Variants in ZNF518A observed in about 807,000 individuals in gnomAD.
The protein encoded by ZNF518A is zinc finger protein 518A, also known as zinc finger protein 518.
In ZNF518A, 47 loss-of-function variants were observed where a neutral mutation model predicts 102.7. The observed-to-expected ratio is 0.46, with a 90% CI of 0.36 to 0.58. The LOEUF (loss-of-function observed/expected upper bound fraction) is 0.58. Ranked by LOEUF, ZNF518A falls within the 20% of genes least tolerant of loss-of-function variation. ZNF518A has a pLI of 0.00. For missense variants in ZNF518A, 1,793 were observed against 1,699.8 expected, an observed-to-expected ratio of 1.05 and a Z score of -0.96; for synonymous variants, 652 against 594.6, an observed-to-expected ratio of 1.10 and a Z score of -1.40.
At chr10:96,191,546 A>C (rs2083329977) in intron 1 of ZNF518A, among the ~76,000 whole-genome samples, 2 of 152,130 alleles carry the variant, frequency 1.3e-5, no homozygotes, top group African/African-American at 4.8e-5. Context: ...TTTTCTACAA[A>C]TTAAAATTTT....
At chr10:96,173,045 A>G (rs2133884758) in intron 1 of ZNF518A, among the ~76,000 whole-genome samples, 1 of 152,294 alleles carries the variant, frequency 6.6e-6, no homozygotes, top group Admixed American at 6.5e-5. Context: ...CAGTATAACA[A>G]CTATTTAGAT....
chr10:96,168,378 A>C (rs1554890578), downstream of ZNF518A, among the ~76,000 whole-genome samples: 1 of 150,838 alleles, frequency 6.6e-6, no homozygotes, highest in Admixed American at 6.6e-5. Context: ...TTCCAAATTA[A>C]AAAAAAAATA....
intron 1 of ZNF518A, among the ~76,000 whole-genome samples, chr10:96,131,838 T>C (rs1210261127): frequency 2.0e-5 from 3 of 152,182 alleles, no homozygotes; most frequent in African/African-American, 7.2e-5. Context: ...AGTTTCTATA[T>C]TTTGAAATAT....
At chr10:96,132,709 TA>T (rs1433746082) in intron 2 of ZNF518A, 39 bp downstream of exon 2, 1 of 152,050 alleles carries the variant, frequency 6.6e-6, no homozygotes, top group African/African-American at 2.4e-5. Flanking sequence ...TATAGTCTAT[TA>T]AGTAGTAAGT....
At chr10:96,138,769 C>T (rs1207287886) in intron 3 of ZNF518A, among the ~76,000 whole-genome samples, 1 of 152,126 alleles carries the variant, frequency 6.6e-6, no homozygotes, top group African/African-American at 2.4e-5. Context: ...CTGGCAGCAT[C>T]CCACATGCTG....
At position 96,158,135 on chromosome 10, in the gene ZNF518A, G is replaced by T; in HGVS notation, c.1813G>T (p.Ala605Ser). 1 of 1,613,458 alleles carries T rather than the reference G, an allele frequency of 6.2e-7. No individual in the cohort carries two copies. Among genetic ancestry groups the T allele is most frequent in the African/African-American group, 1.3e-5 (1 of 75,012 alleles). The part of the protein sequence containing the change: ...IKSPDKVNCV[A>S]KPNAYNSGDM... Reference sequence around the variant, plus strand: ...AAGTCCAGATAAAGTCAACTGTGTTGCCAAACCAAATGCATACAACAGTGG... The same window carrying T: ...AAGTCCAGATAAAGTCAACTGTGTTTCCAAACCAAATGCATACAACAGTGG... The change falls in exon 6 of 6, where the codon GCC becomes TCC. Residue 605 changes from alanine to serine, a missense_variant. Physicochemically the swap from Ala to Ser is moderately conservative, Grantham distance 99. Around this residue, in one of 3 missense-constraint regions of ZNF518A, gnomAD observed 1,741 missense variants for 1,622.6 expected, o/e 1.07. Coordinates refer to ENST00000316045, the MANE Select transcript of ZNF518A (RefSeq NM_001330736.2).
At chr10:96,139,337 A>G (rs2081791019) in intron 3 of ZNF518A, among the ~76,000 whole-genome samples, 1 of 152,120 alleles carries the variant, frequency 6.6e-6, no homozygotes, top group Non-Finnish European at 1.5e-5. Flanking sequence ...ATTGAAACCT[A>G]TTCTCCAGTG....
chr10:96,134,116 A>G lies in ZNF518A; in HGVS notation c.-302+468A>G, dbSNP rs587626578. Among the ~76,000 whole-genome samples, 4 of 152,364 alleles carry G rather than the reference A, an allele frequency of 2.6e-5. No individual in the cohort carries two copies. The East Asian group carries it at 5.8e-4, about 22-fold the overall frequency. On this transcript the variant is annotated intron_variant, in intron 3 of 5. Coordinates refer to ENST00000316045, the MANE Select transcript of ZNF518A (RefSeq NM_001330736.2). ...AGTGCTGACATGAAGCTCAAAGGCAATCATCACTGGAACATTTTGGATTTT... is the reference window on the plus strand; with the variant it reads ...AGTGCTGACATGAAGCTCAAAGGCAGTCATCACTGGAACATTTTGGATTTT...
intron 1 of ZNF518A, chr10:96,196,810 T>G: frequency 1.6e-6 from 2 of 1,223,494 alleles, no homozygotes. Context: ...CAAGTACTTT[T>G]GTATCCTTTC....
intron 1 of ZNF518A, among the ~76,000 whole-genome samples, chr10:96,170,488 G>A (rs1432817407): frequency 5.9e-5 from 9 of 152,182 alleles, no homozygotes; most frequent in African/African-American, 2.2e-4. Flanking sequence ...TTACAGTGCT[G>A]TTGCTGAGGT....
chr10:96,171,001 C>T (rs1194684145), intron 1 of ZNF518A, among the ~76,000 whole-genome samples: 4 of 151,262 alleles, frequency 2.6e-5, no homozygotes, highest in African/African-American at 9.7e-5. Context: ...GAAATGAAAA[C>T]CAAAACCATG....
intron 1 of ZNF518A, among the ~76,000 whole-genome samples, chr10:96,169,942 A>G (rs2083163611): frequency 6.6e-6 from 1 of 152,238 alleles, no homozygotes; most frequent in Non-Finnish European, 1.5e-5. Flanking sequence ...GCTAATAAGT[A>G]GACAGAGATA....
intron 1 of ZNF518A, among the ~76,000 whole-genome samples, chr10:96,195,393 A>G (rs1425951952): frequency 6.6e-6 from 1 of 152,224 alleles, no homozygotes; most frequent in Non-Finnish European, 1.5e-5. Flanking sequence ...ACAATAGCCA[A>G]GAGGTAGAAG....
chr10:96,198,318 A>T (rs1554895208), intron 1 of ZNF518A, among the ~76,000 whole-genome samples: 1 of 152,228 alleles, frequency 6.6e-6, no homozygotes, highest in Non-Finnish European at 1.5e-5. Context: ...GTGCTTGCAG[A>T]AGAAAAACAA....
chr10:96,157,026 A>G lies in ZNF518A; in HGVS notation c.704A>G (p.Lys235Arg), dbSNP rs1554882947. 1 of 1,613,820 alleles carries G rather than the reference A, an allele frequency of 6.2e-7. No individual in the cohort carries two copies. Among genetic ancestry groups the G allele is most frequent in the Non-Finnish European group, 8.5e-7 (1 of 1,179,760 alleles). Residue 235 changes from lysine to arginine, a missense_variant, in exon 6 of 6, where the codon AAG becomes AGG. Coordinates refer to ENST00000316045, the MANE Select transcript of ZNF518A (RefSeq NM_001330736.2). The stretch of plus-strand genomic sequence containing the variant: ...CATAGACATAATGAAATTCATTATA[A>G]GTGTGGTAAATGTCATCATGTATGT... Reference protein sequence around the residue: ...HIHRHNEIHYKCGKCHHVCFT... With the variant: ...HIHRHNEIHYRCGKCHHVCFT...
intron 1 of ZNF518A, among the ~76,000 whole-genome samples, chr10:96,194,213 C>CGTGG (rs2083400886): frequency 6.6e-6 from 1 of 152,302 alleles, no homozygotes; most frequent in East Asian, 1.9e-4. Flanking sequence ...TCTTCACCCA[C>CGTGG]CCTTAAGCCT....
In ZNF518A at chr10:96,192,181, A is replaced by C. The variant is rs1042063724; in HGVS notation, n.36-11393A>C. 2.0e-5 allele frequency: 31 copies of C among 1,554,180 alleles called. No homozygotes were observed. The African/African-American group carries it at 3.3e-4, about 16-fold the overall frequency. The stretch of plus-strand genomic sequence containing the variant: ...TCCCATCTTCTCTCATTCTCAAGTT[A>C]GTAAAAGTTATTACACCCCAGCTGA... On this transcript the variant is annotated intron_variant and non_coding_transcript_variant, in intron 1 of 2. Transcript: ENST00000442635.
intron 1 of ZNF518A, chr10:96,189,558 T>C: frequency 6.0e-6 from 4 of 666,078 alleles, no homozygotes; most frequent in South Asian, 5.5e-5. Flanking sequence ...TTCCTGTTTT[T>C]TGAAGGATTC....
At position 96,150,567 on chromosome 10, in the gene ZNF518A, C is replaced by A. The variant is rs968708650; in HGVS notation, c.-301-4759C>A. On this transcript the variant is annotated intron_variant, in intron 3 of 5. Coordinates refer to ENST00000316045, the MANE Select transcript of ZNF518A (RefSeq NM_001330736.2). The stretch of plus-strand genomic sequence containing the variant: ...TTTGGAAAAAAAAAAAACTTAGGTA[C>A]AATTTTTTCTCATTTTCAAAATCAT... 6.7e-5 allele frequency among the ~76,000 whole-genome samples: 10 copies of A among 150,068 alleles called. No homozygotes were observed. In the East Asian group the frequency reaches 7.8e-4, roughly 12 times the overall value.
Sources: gnomAD v4.1 joint callset for allele counts (sites outside exome capture counted in the v4.1 genomes callset) on GRCh38, gnomAD v4.1.1 for gene constraint, gnomAD v4.1.1 regional missense constraint, MANE v1.5 for transcripts, NCBI Gene and HGNC (gene_info 2026-07-23, HGNC 2026-07-21) for gene names.